ENTPD5: variants seen among roughly 807,000 people sequenced by gnomAD.
The protein encoded by ENTPD5 is ectonucleoside triphosphate diphosphohydrolase 5 (inactive).
A neutral mutation model predicts 60.2 loss-of-function variants in ENTPD5; 49 were observed. The observed-to-expected ratio is 0.81, with a 90% CI of 0.65 to 1.03. ENTPD5 has a LOEUF of 1.03. ENTPD5 is among the 50% of genes least tolerant of loss of function. The pLI is 0.00. For synonymous variants in ENTPD5, 187 were observed against 185.4 expected (o/e 1.01, Z -0.07); for missense variants, 480 against 507.6 (o/e 0.95, Z 0.52).
chr14:73,956,661 T>G (rs1480389351), downstream of ENTPD5: 1 of 57,470 alleles, frequency 1.7e-5, no homozygotes, highest in Non-Finnish European at 5.2e-5. Context: ...GTATCCACTT[T>G]GGAGAAATGT....
intron 2 of ENTPD5, among the ~76,000 whole-genome samples, chr14:74,011,720 T>C (rs1353780068): frequency 8.5e-5 from 13 of 152,082 alleles, no homozygotes; most frequent in Non-Finnish European, 1.8e-4. Flanking sequence ...ATTGCTTGAA[T>C]ATGGGAAGTC....
downstream of ENTPD5, chr14:73,960,538 C>G: frequency 1.0e-6 from 1 of 1,003,750 alleles, no homozygotes; most frequent in Non-Finnish European, 1.2e-6. Context: ...CTACCCTACT[C>G]TGGGCCATTT....
intron 3 of ENTPD5, among the ~76,000 whole-genome samples, chr14:73,993,162 C>G (rs2140703657): frequency 6.6e-6 from 1 of 152,130 alleles, no homozygotes; most frequent in African/African-American, 2.4e-5. Context: ...CATGATGAAA[C>G]CCCATCTCTA....
intron 3 of ENTPD5, 73 bp from the exon 4 acceptor site, chr14:73,988,245 C>T (rs777422117): frequency 8.0e-5 from 109 of 1,370,470 alleles, no homozygotes; most frequent in Non-Finnish European, 1.1e-4. Context: ...GAAACACTCA[C>T]TCCTGGGCCC....
intron 3 of ENTPD5, among the ~76,000 whole-genome samples, chr14:74,002,553 C>T (rs1169669724): frequency 6.6e-6 from 1 of 152,166 alleles, no homozygotes; most frequent in Non-Finnish European, 1.5e-5. Context: ...AGGGTTGAGC[C>T]ACTGTGCCCA....
At position 73,984,601 on chromosome 14, in the gene ENTPD5, C is replaced by T. The variant is rs569240188; in HGVS notation, c.298-1440G>A. On this transcript the variant is annotated intron_variant, in intron 5 of 15. Transcript: ENST00000334696. The stretch of plus-strand genomic sequence containing the variant: ...ACTGCCCTTTGATCATTATTGTTAG[C>T]AACTACAACACGATCACCTTTTCTA... Among the ~76,000 whole-genome samples, 14 of 152,292 alleles carry T rather than the reference C, an allele frequency of 9.2e-5. No homozygotes were observed. In the East Asian group the frequency reaches 2.7e-3, roughly 29 times the overall value.
chr14:73,977,986 T>C (rs140968516), intron 6 of ENTPD5, among the ~76,000 whole-genome samples: 3 of 152,338 alleles, frequency 2.0e-5, no homozygotes, highest in East Asian at 3.9e-4. Flanking sequence ...TAATGTCTTA[T>C]GTTTATATAA....
intron 13 of ENTPD5, among the ~76,000 whole-genome samples, chr14:73,972,247 A>G (rs1419918019): frequency 9.9e-5 from 15 of 151,916 alleles, no homozygotes; most frequent in Admixed American, 9.2e-4. Context: ...GGTGGCAGGC[A>G]CCTGTAATCC....
downstream of ENTPD5, chr14:73,956,653 A>G (rs2056450917): frequency 6.6e-6 from 1 of 151,504 alleles, no homozygotes; most frequent in South Asian, 2.1e-4. Flanking sequence ...CCATTTGTGT[A>G]TCCACTTTGG....
chr14:73,968,672 C>T lies in ENTPD5; in HGVS notation c.1200+1338G>A, dbSNP rs1005979154. Among the ~76,000 whole-genome samples the T allele has an allele frequency of 4.6e-5, 7 of 151,962 alleles. No individual in the cohort carries two copies. The South Asian group carries it at 6.2e-4, about 14-fold the overall frequency. ...AACTCCTGACCTCAGGTGATCCGCCCGCCTCAGCCTCCCAAAGTGTTAGGA... is the reference window on the plus strand; with the variant it reads ...AACTCCTGACCTCAGGTGATCCGCCTGCCTCAGCCTCCCAAAGTGTTAGGA... On this transcript the variant is annotated intron_variant, in intron 15 of 15. Coordinates refer to ENST00000334696, the MANE Select transcript of ENTPD5 (RefSeq NM_001249.5).
chr14:74,011,081 T>C lies in ENTPD5; in HGVS notation c.-71+10A>G, dbSNP rs569444950. 7.2e-6 allele frequency: 5 copies of C among 697,104 alleles called. No homozygotes were observed. The highest frequency in any genetic ancestry group is 8.8e-6 in the Non-Finnish European group (5 of 566,860). The allele number at this position is 697,104 out of a possible 1,614,324, so 43.2% of individuals were successfully genotyped here. A position where few individuals can be genotyped will look rare whatever the true frequency, so the allele number is the denominator to read the frequency against. On this transcript the variant is annotated intron_variant, in intron 3 of 15. Coordinates refer to ENST00000334696, the MANE Select transcript of ENTPD5 (RefSeq NM_001249.5). ...GAAAAAGTGAAGTATTACTTATATA[T>C]GTTACTTACCAATTTTTTCTTTCCT...
chr14:74,018,703 G>A (rs2059144095), intron 1 of ENTPD5: 1 of 152,212 alleles, frequency 6.6e-6, no homozygotes, highest in Admixed American at 6.5e-5. Flanking sequence ...GTGAGGCCGA[G>A]GACCCTGCTC....
intron 3 of ENTPD5, among the ~76,000 whole-genome samples, chr14:74,007,244 G>A (rs970074114): frequency 2.6e-5 from 4 of 152,090 alleles, no homozygotes; most frequent in Admixed American, 6.6e-5. Flanking sequence ...AGGTATGGCC[G>A]GGCGCGGTGG....
At chr14:73,998,435 C>T (rs2058405023) in intron 3 of ENTPD5, among the ~76,000 whole-genome samples, 1 of 152,228 alleles carries the variant, frequency 6.6e-6, no homozygotes, top group Middle Eastern at 3.4e-3. Flanking sequence ...TTCATTTCTG[C>T]GTTTGTCCCC....
At chr14:73,958,650 A>G (rs1018109293), downstream of ENTPD5, 1 of 1,301,130 alleles carries the variant, frequency 7.7e-7, no homozygotes, top group African/African-American at 1.5e-5. Context: ...TCCTAACCCT[A>G]CATCAGAACT....
chr14:73,990,288 A>AT (rs1286050013), intron 3 of ENTPD5, among the ~76,000 whole-genome samples: 3 of 152,034 alleles, frequency 2.0e-5, no homozygotes, highest in Non-Finnish European at 2.9e-5. Flanking sequence ...CATTTTGATG[A>AT]TTTTCCCTTT....
At chr14:73,958,661 A>G (rs1390493755), downstream of ENTPD5, 5 of 1,311,008 alleles carry the variant, frequency 3.8e-6, no homozygotes, top group South Asian at 4.6e-5. Context: ...CATCAGAACT[A>G]TTCAGCTCCA....
In ENTPD5 at chr14:73,987,922, G is replaced by A. The variant is rs775249869; in HGVS notation, c.181C>T (p.Arg61Ter). The change falls in exon 4 of 16, where the codon CGA becomes TGA. Residue 61 changes from arginine (R) to a stop codon, truncating the protein, a stop_gained. Coordinates refer to ENST00000334696, the MANE Select transcript of ENTPD5 (RefSeq NM_001249.5). LOFTEE classifies it high-confidence loss of function. The stretch of plus-strand genomic sequence containing the variant: ...TGCACAAAGGTGTAAACATGAATTC[G>A]AGTTCCAGTGCTCCCTGCATCAAAC... ...IMFDAGSTGT[R>*]IHVYTFVQKM... is the part of the protein sequence containing the mutation. The A allele has an allele frequency of 1.2e-6, 2 of 1,614,010 alleles. No homozygotes were observed. The highest frequency in any genetic ancestry group is 1.3e-5 in the African/African-American group (1 of 74,922).
chr14:73,956,304 GGC>G, downstream of ENTPD5: 1 of 214,146 alleles, frequency 4.7e-6, no homozygotes, highest in Admixed American at 5.1e-5. Flanking sequence ...CTCCAGCCTG[GGC>G]GACAGAGCAA....
Sources: gnomAD v4.1 joint callset for allele counts (sites outside exome capture counted in the v4.1 genomes callset) on GRCh38, gnomAD v4.1.1 for gene constraint, MANE v1.5 for transcripts, NCBI Gene and HGNC (gene_info 2026-07-23, HGNC 2026-07-21) for gene names.